The following GTF2I variants were observed in gnomAD, a reference collection of about 807,000 sequenced individuals.
GTF2I encodes general transcription factor II-I.
In GTF2I, 12 loss-of-function variants were observed where a neutral mutation model predicts 67.6. The observed-to-expected ratio is 0.18, with a 90% CI of 0.11 to 0.29. The LOEUF (loss-of-function observed/expected upper bound fraction) is 0.29, where lower values mean the gene tolerates loss of function less well. Ranked by LOEUF, GTF2I falls within the 10% of genes least tolerant of loss-of-function variation. The probability of loss-of-function intolerance (pLI) is 1.00; values close to 1 mark genes in which losing one functional copy is unlikely to be tolerated. For missense variants in GTF2I, 271 were observed against 580.1 expected (o/e 0.47, Z 5.47); for synonymous variants, 149 against 197.0 (o/e 0.76, Z 2.04).
At chr7:74,712,652 C>CT (rs67504763) in intron 9 of GTF2I, among the ~76,000 whole-genome samples, 24,965 of 114,114 alleles carry the variant, frequency 0.22, 4,062 homozygotes, top group African/African-American at 0.44. Flanking sequence ...CAAGATTTAT[C>CT]TTTTTTTTTT....
intron 1 of GTF2I, among the ~76,000 whole-genome samples, chr7:74,658,694 T>C (rs1554384911): frequency 6.6e-6 from 1 of 150,478 alleles, no homozygotes; most frequent in Non-Finnish European, 1.5e-5. Flanking sequence ...CCCGCCCCGC[T>C]CCCAGGTGGA....
Position 74,691,110 on chromosome 7 carries a change from T to C in GTF2I, c.237T>C (p.Tyr79=). 2.5e-6 allele frequency: 4 copies of C among 1,587,744 alleles called. No homozygotes were observed. The highest frequency in any genetic ancestry group is 3.5e-6 in the Non-Finnish European group (4 of 1,158,738). The change falls in exon 3 of 35, where the codon TAT becomes TAC. Residue 79 remains tyrosine, a splice_region_variant and synonymous_variant. Coordinates refer to ENST00000573035, the MANE Select transcript of GTF2I (RefSeq NM_032999.4). ...RKDFQKDFVK[Y]CVEEEEKAAE... Reference sequence around the variant, plus strand: ...ATTTTCAAAAAGATTTTGTAAAATATTGTAAGCATTGTATTTTTATCTTTT... The same window carrying C: ...ATTTTCAAAAAGATTTTGTAAAATACTGTAAGCATTGTATTTTTATCTTTT...
intron 1 of GTF2I, among the ~76,000 whole-genome samples, chr7:74,682,040 A>C (rs1231857498): frequency 6.6e-6 from 1 of 152,198 alleles, no homozygotes; most frequent in African/African-American, 2.4e-5. Flanking sequence ...CTTCTGCTTA[A>C]GCTGAGAGAA....
rs142605052 is a variant in GTF2I, at chr7:74,694,588, A to C, written c.238+3477A>C. Among the ~76,000 whole-genome samples the C allele has an allele frequency of 5.7e-3, 871 of 152,198 alleles. 9 individuals carry two copies. Among genetic ancestry groups the C allele is most frequent in the African/African-American group, 0.02 (826 of 41,520 alleles). ...GACTCTTGAGATCTGTCTCAAAAGA[A>C]AAAAAAAGGAAAGACAGAGTCTCTA... On this transcript the variant is annotated intron_variant, in intron 3 of 34. Transcript: ENST00000573035.
At chr7:74,710,579 C>T (rs75015000) in intron 8 of GTF2I, among the ~76,000 whole-genome samples, 3 of 152,100 alleles carry the variant, frequency 2.0e-5, no homozygotes, top group Admixed American at 6.5e-5. Context: ...TTACACAAAT[C>T]CCTGTAATAA....
At chr7:74,725,898 A>G (rs1241931508) in intron 12 of GTF2I, among the ~76,000 whole-genome samples, 3 of 141,854 alleles carry the variant, frequency 2.1e-5, no homozygotes, top group Non-Finnish European at 3.1e-5. Context: ...AAATATATTT[A>G]TGCTATTAAA....
At chr7:74,674,944 C>T (rs587600146) in intron 1 of GTF2I, among the ~76,000 whole-genome samples, 1 of 152,140 alleles carries the variant, frequency 6.6e-6, no homozygotes, top group African/African-American at 2.4e-5. Flanking sequence ...ACTTCTTCCT[C>T]CTGGTTCAAG....
At chr7:74,725,635 A>T (rs1313895007) in intron 12 of GTF2I, among the ~76,000 whole-genome samples, 5 of 152,114 alleles carry the variant, frequency 3.3e-5, no homozygotes, top group African/African-American at 1.2e-4. Context: ...TCGAGGCTGC[A>T]GTGAGTGGTG....
At chr7:74,709,678 A>C (rs189797603) in intron 8 of GTF2I, among the ~76,000 whole-genome samples, 12 of 143,108 alleles carry the variant, frequency 8.4e-5, no homozygotes, top group East Asian at 6.1e-4. Flanking sequence ...TTCTTTCTTT[A>C]TTTTTTTTTT....
At chr7:74,716,724 ATTC>A in intron 10 of GTF2I, 167 bp from the exon 11 acceptor site, 1 of 526,428 alleles carries the variant, frequency 1.9e-6, no homozygotes, top group Non-Finnish European at 3.4e-6. Flanking sequence ...GAAGCGTTGT[ATTC>A]TTTTCTGAAT....
In GTF2I at chr7:74,723,428, C is replaced by CTTTTTTTTTTTTTTTTTTT. The variant is rs58149301; in HGVS notation, c.943+4489_943+4507dup. Among the ~76,000 whole-genome samples the CTTTTTTTTTTTTTTTTTTT allele has an allele frequency of 2.5e-4, 15 of 61,070 alleles. 2 individuals carry two copies. Among genetic ancestry groups the CTTTTTTTTTTTTTTTTTTT allele is most frequent in the African/African-American group, 2.5e-4 (3 of 12,112 alleles). The allele number at this position is 61,070 out of a possible 152,430, so 40.1% of individuals were successfully genotyped here. On this transcript the variant is annotated intron_variant, in intron 12 of 34. Transcript: ENST00000573035. ...AGGCATAAGCCACCGCTCCCGGCCT[C>CTTTTTTTTTTTTTTTTTTT]TTTTTTTTTTTTTTTTTTTTAAGAC...
intron 1 of GTF2I, among the ~76,000 whole-genome samples, chr7:74,662,834 T>C (rs1230101820): frequency 1.3e-5 from 2 of 152,132 alleles, no homozygotes; most frequent in South Asian, 2.1e-4. Context: ...AAAATTATAA[T>C]GGATTTCTTT....
At chr7:74,677,150 G>A (rs949259970) in intron 1 of GTF2I, among the ~76,000 whole-genome samples, 37 of 152,180 alleles carry the variant, frequency 2.4e-4, no homozygotes, top group African/African-American at 8.2e-4. Flanking sequence ...TTGCCAAAAT[G>A]TAGTATTACA....
In GTF2I at chr7:74,689,138, G is replaced by C. The variant is rs1788012491; in HGVS notation, c.10G>C (p.Val4Leu). 1.2e-6 allele frequency: 2 copies of C among 1,608,272 alleles called. No individual in the cohort carries two copies. Among genetic ancestry groups the C allele is most frequent in the African/African-American group, 2.7e-5 (2 of 74,746 alleles). The change falls in exon 2 of 35, where the codon GTT (valine) becomes CTT (leucine). Residue 4 changes from valine (V) to leucine (L), a missense_variant. Transcript: ENST00000573035. MAQ[V>L]AMSTLPVEDE... ...CTCCTGCACAGGGATCATGGCCCAA[G>C]TTGCAATGTCCACCCTCCCCGTTGA...
At chr7:74,714,713 G>T in intron 9 of GTF2I, 144 bp from the exon 10 acceptor site, 5 of 528,904 alleles carry the variant, frequency 9.5e-6, no homozygotes, top group Admixed American at 3.6e-5. Context: ...TGCTCATCTT[G>T]TCAGTCTTTT....
chr7:74,732,184 T>TAA (rs1231464314), intron 14 of GTF2I, among the ~76,000 whole-genome samples: 4 of 149,220 alleles, frequency 2.7e-5, no homozygotes, highest in Middle Eastern at 3.6e-3. Flanking sequence ...CATATATATA[T>TAA]AACACAGTGA....
In GTF2I at chr7:74,669,693, C is replaced by T. The variant is rs587686605; in HGVS notation, c.-6+11625C>T. Among the ~76,000 whole-genome samples, 7 of 151,426 alleles carry T rather than the reference C, an allele frequency of 4.6e-5. No homozygotes were observed. In the South Asian group the frequency reaches 1.3e-3, roughly 27 times the overall value. On this transcript the variant is annotated intron_variant, in intron 1 of 34. Transcript: ENST00000573035. The stretch of plus-strand genomic sequence containing the variant: ...GGACTACAGGTGCACGCCACCATGC[C>T]CAGCAATTTTTGTATTATTAGTAGA...
chr7:74,683,169 T>C (rs1787408724), intron 1 of GTF2I, among the ~76,000 whole-genome samples: 1 of 151,988 alleles, frequency 6.6e-6, no homozygotes, highest in African/African-American at 2.4e-5. Context: ...ATGACAGACA[T>C]ATGTTTAATA....
chr7:74,750,008 ATGT>A (rs1795706489), intron 26 of GTF2I, among the ~76,000 whole-genome samples: 1 of 134,186 alleles, frequency 7.5e-6, no homozygotes, highest in South Asian at 2.6e-4. Context: ...CTACACAGCT[ATGT>A]TGTTACTATT....
Sources: allele counts gnomAD v4.1 joint callset (sites outside exome capture counted in the v4.1 genomes callset), GRCh38; gene constraint gnomAD v4.1.1; transcripts MANE v1.5; gene names NCBI Gene and HGNC (gene_info 2026-07-23, HGNC 2026-07-21).